Variants in KAZN observed in about 807,000 individuals in gnomAD.
The protein encoded by KAZN is kazrin, periplakin interacting protein.
A neutral mutation model predicts 87.4 loss-of-function variants in KAZN; 40 were observed. The ratio of observed to expected loss-of-function variants is 0.46; its 90% CI spans 0.36 to 0.60. The LOEUF (loss-of-function observed/expected upper bound fraction) is 0.60. Among genes scored for constraint, KAZN ranks in the 20% least tolerant of loss-of-function variants. The pLI is 0.00. For missense variants in KAZN, 898 were observed against 1,073.9 expected (o/e 0.84, Z 2.29); for synonymous variants, 466 against 458.3 (o/e 1.02, Z -0.22).
At chr1:14,102,931 C>T (rs112169038) in intron 1 of KAZN, among the ~76,000 whole-genome samples, 5,762 of 139,538 alleles carry the variant, frequency 0.041, 390 homozygotes, top group African/African-American at 0.15. Context: ...TTTTTTTTAA[C>T]GGAGTCTTGC....
intron 1 of KAZN, among the ~76,000 whole-genome samples, chr1:14,091,914 A>G (rs901023048): frequency 4.6e-5 from 7 of 152,174 alleles, no homozygotes; most frequent in Non-Finnish European, 1.0e-4. Flanking sequence ...TGATTGTGAA[A>G]GAGCACGCTA....
At position 14,851,106 on chromosome 1, in the gene KAZN, C is replaced by G. The variant is rs978703293; in HGVS notation, c.227-109578C>G. Among the ~76,000 whole-genome samples, 5 of 152,146 alleles carry G rather than the reference C, an allele frequency of 3.3e-5. No homozygotes were observed. The East Asian group carries it at 5.8e-4, about 18-fold the overall frequency. ...CACCATCAGATGTGTCAGTCCTTGG[C>G]GTTAATCCCTTCCAGTGCCCAGCCC... On this transcript the variant is annotated intron_variant, in intron 1 of 14. Coordinates refer to ENST00000376030, the MANE Select transcript of KAZN (RefSeq NM_201628.3).
chr1:14,353,381 G>A (rs1312505809), intron 2 of KAZN, among the ~76,000 whole-genome samples: 3 of 151,956 alleles, frequency 2.0e-5, no homozygotes, highest in South Asian at 2.1e-4. Flanking sequence ...CTGCCACCAC[G>A]CCCGGCTAAT....
chr1:15,000,053 AT>A (rs2102007541), intron 2 of KAZN, among the ~76,000 whole-genome samples: 1 of 152,210 alleles, frequency 6.6e-6, no homozygotes, highest in Admixed American at 6.5e-5. Flanking sequence ...GGATCTTGAG[AT>A]GGGAAGATGA....
chr1:14,232,870 CTAACCAGA>C (rs1571089191), intron 2 of KAZN, among the ~76,000 whole-genome samples: 1 of 152,116 alleles, frequency 6.6e-6, no homozygotes, highest in East Asian at 1.9e-4. Context: ...AAAACATCAG[CTAACCAGA>C]TATCACATGA....
Position 14,902,109 on chromosome 1 carries a change from C to T in KAZN, c.227-58575C>T, listed in dbSNP as rs185084580. 1.8e-3 allele frequency among the ~76,000 whole-genome samples: 274 copies of T among 152,302 alleles called. 1 individual carries two copies. The highest frequency in any genetic ancestry group is 3.4e-3 in the Middle Eastern group (1 of 294). ...CAGGAGTCCCGTGCTAACACAGTTC[C>T]GTGCACGCACTTGAAAACGCTGCTT... On this transcript the variant is annotated intron_variant, in intron 1 of 14. Transcript: ENST00000376030.
intron 1 of KAZN, among the ~76,000 whole-genome samples, chr1:14,762,063 G>A (rs1372189468): frequency 2.0e-5 from 3 of 152,136 alleles, no homozygotes; most frequent in Non-Finnish European, 4.4e-5. Flanking sequence ...AAGGACACCT[G>A]TGACCTGCTT....
At chr1:14,593,422 G>T (rs952887813) in intron 2 of KAZN, among the ~76,000 whole-genome samples, 1 of 152,136 alleles carries the variant, frequency 6.6e-6, no homozygotes, top group African/African-American at 2.4e-5. Flanking sequence ...GGGTACATGC[G>T]GGGGAGGGAC....
chr1:14,213,480 C>T (rs1002381679), intron 2 of KAZN, among the ~76,000 whole-genome samples: 1 of 151,982 alleles, frequency 6.6e-6, no homozygotes, highest in African/African-American at 2.4e-5. Flanking sequence ...GAGGAGTATC[C>T]AAGACAGAGG....
intron 1 of KAZN, among the ~76,000 whole-genome samples, chr1:14,028,324 T>C (rs534631421): frequency 4.6e-5 from 7 of 152,206 alleles, no homozygotes; most frequent in Non-Finnish European, 7.3e-5. Flanking sequence ...GCTTTTCAAA[T>C]TGGGCGTGAC....
chr1:14,855,592 G>T (rs1471051143), intron 1 of KAZN, among the ~76,000 whole-genome samples: 1 of 152,170 alleles, frequency 6.6e-6, no homozygotes, highest in Non-Finnish European at 1.5e-5. Context: ...CCATGAGTGG[G>T]GTGAAATGTT....
chr1:14,366,284 A>G (rs1303212424), intron 2 of KAZN, among the ~76,000 whole-genome samples: 8 of 152,226 alleles, frequency 5.3e-5, no homozygotes, highest in African/African-American at 1.9e-4. Flanking sequence ...TGAAAACTGA[A>G]ATGTCGTAGC....
intron 1 of KAZN, among the ~76,000 whole-genome samples, chr1:14,177,998 T>C (rs1255739461): frequency 1.3e-5 from 2 of 152,144 alleles, no homozygotes; most frequent in African/African-American, 4.8e-5. Context: ...CCACGTGTCA[T>C]AGGAGGGACT....
intron 2 of KAZN, among the ~76,000 whole-genome samples, chr1:14,461,822 ATAAAT>A (rs754714719): frequency 1.2e-4 from 18 of 152,088 alleles, no homozygotes; most frequent in African/African-American, 2.9e-4. Flanking sequence ...AGGGGTTAAA[ATAAAT>A]TAAGAAAACA....
chr1:14,764,461 A>G (rs1196768838), intron 1 of KAZN, among the ~76,000 whole-genome samples: 7 of 141,874 alleles, frequency 4.9e-5, no homozygotes, highest in African/African-American at 1.6e-4. Flanking sequence ...CGATTTACTG[A>G]TTTATTCATC....
At chr1:14,162,022 C>T (rs1645720972) in intron 1 of KAZN, among the ~76,000 whole-genome samples, 1 of 152,196 alleles carries the variant, frequency 6.6e-6, no homozygotes, top group Non-Finnish European at 1.5e-5. Context: ...AATTGCTGGA[C>T]CATACAAGTT....
chr1:14,418,478 C>G (rs916832871), intron 2 of KAZN, among the ~76,000 whole-genome samples: 3 of 151,992 alleles, frequency 2.0e-5, no homozygotes, highest in Admixed American at 2.0e-4. Flanking sequence ...CATTCTACCT[C>G]TATGTTGTAA....
At chr1:14,730,571 C>A (rs1280612068) in intron 1 of KAZN, among the ~76,000 whole-genome samples, 1 of 152,106 alleles carries the variant, frequency 6.6e-6, no homozygotes, top group Non-Finnish European at 1.5e-5. Context: ...TGTCACCCAG[C>A]CAGAAAAGGG....
Position 14,883,355 on chromosome 1 carries a change from A to AGAGAG in KAZN, c.227-77329_227-77328insGAGAG, listed in dbSNP as rs1553150619. Among the ~76,000 whole-genome samples, 28 of 20,612 alleles carry AGAGAG rather than the reference A, an allele frequency of 1.4e-3. 3 individuals carry two copies. Among genetic ancestry groups the AGAGAG allele is most frequent in the East Asian group, 5.4e-3 (1 of 184 alleles). The allele number at this position is 20,612 out of a possible 152,430, so 13.5% of individuals were successfully genotyped here. On this transcript the variant is annotated intron_variant, in intron 1 of 14. Coordinates refer to ENST00000376030, the MANE Select transcript of KAZN (RefSeq NM_201628.3). ...GAGAGAGAGAGAGAAAGAAAGAAAG[A>AGAGAG]AAAGAAAGAAAGAAAGAAAGAAAGA... is the stretch of plus-strand genomic sequence containing the variant.
Sources: gnomAD v4.1 joint callset for allele counts (sites outside exome capture counted in the v4.1 genomes callset) on GRCh38, gnomAD v4.1.1 for gene constraint, MANE v1.5 for transcripts, NCBI Gene and HGNC (gene_info 2026-07-23, HGNC 2026-07-21) for gene names.